Variants in SLC30A9 observed in about 807,000 individuals in gnomAD.
SLC30A9 encodes proton-coupled zinc antiporter SLC30A9, mitochondrial.
A neutral mutation model predicts 87.5 loss-of-function variants in SLC30A9; 58 were observed. The observed-to-expected ratio is 0.66, with a 90% CI of 0.54 to 0.82. The LOEUF (loss-of-function observed/expected upper bound fraction) is 0.82, where lower values mean the gene tolerates loss of function less well. SLC30A9 is among the 40% of genes least tolerant of loss of function. The probability of loss-of-function intolerance (pLI) is 0.00; values close to 1 mark genes in which losing one functional copy is unlikely to be tolerated. For missense variants in SLC30A9, 557 were observed against 679.1 expected (o/e 0.82, Z 2.00); for synonymous variants, 234 against 233.0 (o/e 1.00, Z -0.04).
intron 9 of SLC30A9, among the ~76,000 whole-genome samples, chr4:42,059,119 T>C (rs1717744279): frequency 6.6e-6 from 1 of 152,202 alleles, no homozygotes; most frequent in African/African-American, 2.4e-5. Flanking sequence ...AGAAAAAATG[T>C]GTCTATTAAA....
At chr4:42,026,863 G>C (rs576876666) in intron 6 of SLC30A9, among the ~76,000 whole-genome samples, 1 of 152,058 alleles carries the variant, frequency 6.6e-6, no homozygotes, top group African/African-American at 2.4e-5. Flanking sequence ...GAGCATAAAG[G>C]GTCCCTTGGC....
intron 6 of SLC30A9, among the ~76,000 whole-genome samples, chr4:42,027,365 G>A (rs1450656456): frequency 1.3e-5 from 2 of 152,142 alleles, no homozygotes; most frequent in Non-Finnish European, 2.9e-5. Context: ...CAGAGACTGC[G>A]TGTGGTGCTC....
chr4:42,066,359 T>C (rs1718075359), intron 12 of SLC30A9, among the ~76,000 whole-genome samples, 191 bp from the exon 13 acceptor site: 2 of 152,186 alleles, frequency 1.3e-5, no homozygotes, highest in Admixed American at 6.5e-5. Flanking sequence ...ATTTAATTAT[T>C]ATGGTTTAGA....
chr4:42,067,844 G>C (rs1267754498), intron 14 of SLC30A9, among the ~76,000 whole-genome samples: 5 of 152,162 alleles, frequency 3.3e-5, no homozygotes, highest in Non-Finnish European at 7.3e-5. Flanking sequence ...CCATGGGATG[G>C]CATCCTGGCC....
intron 1 of SLC30A9, among the ~76,000 whole-genome samples, chr4:41,997,220 G>A (rs1270319966): frequency 6.6e-6 from 1 of 151,724 alleles, no homozygotes; most frequent in South Asian, 2.1e-4. Flanking sequence ...ATCAGCAGTG[G>A]TCTTCTAGAC....
intron 10 of SLC30A9, 63 bp from the exon 11 acceptor site, chr4:42,062,923 C>G (rs1560556295): frequency 2.9e-6 from 4 of 1,393,116 alleles, no homozygotes; most frequent in Non-Finnish European, 4.0e-6. Context: ...ACCTATTAAG[C>G]ACATATATTT....
At chr4:42,080,601 A>T (rs527424935) in intron 17 of SLC30A9, among the ~76,000 whole-genome samples, 1 of 152,344 alleles carries the variant, frequency 6.6e-6, no homozygotes, top group East Asian at 1.9e-4. Flanking sequence ...TTTTGTCTCT[A>T]GCCCTTCTAG....
intron 15 of SLC30A9, among the ~76,000 whole-genome samples, chr4:42,073,797 G>C (rs1718411564): frequency 1.3e-5 from 2 of 152,130 alleles, no homozygotes; most frequent in South Asian, 4.1e-4. Flanking sequence ...TAGTCACCTG[G>C]TCTTGGAAAT....
chr4:42,075,558 A>T, intron 15 of SLC30A9, 99 bp from the exon 16 acceptor site: 1 of 1,062,812 alleles, frequency 9.4e-7, no homozygotes, highest in Non-Finnish European at 1.4e-6. Flanking sequence ...TCTCGTAACT[A>T]GTGGGGAAAA....
chr4:42,066,647 T>G (rs1230614339), intron 13 of SLC30A9, 26 bp downstream of exon 13: 2 of 1,482,144 alleles, frequency 1.3e-6, no homozygotes, highest in Non-Finnish European at 1.9e-6. Flanking sequence ...ACCAAGTGTT[T>G]GTTTCACCTC....
intron 1 of SLC30A9, among the ~76,000 whole-genome samples, chr4:41,993,352 T>G (rs1052377517): frequency 1.3e-5 from 2 of 152,306 alleles, no homozygotes; most frequent in East Asian, 3.9e-4. Flanking sequence ...AACCACGTTT[T>G]AAGTGCTCAG....
intron 6 of SLC30A9, chr4:42,029,376 G>T: frequency 1.7e-6 from 1 of 601,358 alleles, no homozygotes. Context: ...TGATCCAAGT[G>T]GTGCTGCTCA....
chr4:42,036,452 C>T (rs901637584), intron 7 of SLC30A9, among the ~76,000 whole-genome samples: 1 of 152,162 alleles, frequency 6.6e-6, no homozygotes, highest in Admixed American at 6.5e-5. Context: ...TTCAACCCCA[C>T]CACCCCACTG....
chr4:42,050,366 A>C (rs1481555569), intron 9 of SLC30A9, among the ~76,000 whole-genome samples: 1 of 152,156 alleles, frequency 6.6e-6, no homozygotes, highest in Non-Finnish European at 1.5e-5. Flanking sequence ...ATGCAGTGGG[A>C]GGAGAGGGGA....
intron 1 of SLC30A9, among the ~76,000 whole-genome samples, chr4:41,991,001 G>T (rs1465219705): frequency 1.8e-4 from 27 of 152,228 alleles, no homozygotes; most frequent in Admixed American, 1.8e-3. Context: ...CACCTCGCGG[G>T]CCGGATTGCA....
rs531987677 is a variant in SLC30A9, at chr4:42,060,621, A to T, written c.896+375A>T. Reference sequence around the variant, plus strand: ...ATTTTGATGATAACTTCTATTAGATACACACTTATTTTAATCCTCCTGTTG... The same window carrying T: ...ATTTTGATGATAACTTCTATTAGATTCACACTTATTTTAATCCTCCTGTTG... On this transcript the variant is annotated intron_variant, in intron 10 of 17. Transcript: ENST00000264451. Among the ~76,000 whole-genome samples, 5 of 152,316 alleles carry T rather than the reference A, an allele frequency of 3.3e-5. No homozygotes were observed. In the South Asian group the frequency reaches 1.0e-3, roughly 32 times the overall value.
At chr4:42,025,151 A>G (rs1716134230) in intron 6 of SLC30A9, among the ~76,000 whole-genome samples, 1 of 152,054 alleles carries the variant, frequency 6.6e-6, no homozygotes, top group Non-Finnish European at 1.5e-5. Flanking sequence ...ACTAACCTTC[A>G]CTCTACTGGA....
chr4:42,035,244 A>G (rs758703707), intron 6 of SLC30A9, 31 bp from the exon 7 acceptor site: 67 of 1,572,902 alleles, frequency 4.3e-5, no homozygotes, highest in South Asian at 2.9e-4. Flanking sequence ...AAGAATATCT[A>G]TGACCTAAAT....
chr4:42,052,501 CTT>C (rs1211891812), intron 9 of SLC30A9, among the ~76,000 whole-genome samples: 2 of 152,142 alleles, frequency 1.3e-5, no homozygotes, highest in Non-Finnish European at 2.9e-5. Context: ...ACATTATAAA[CTT>C]ATATAGAAAT....
Sources: allele counts gnomAD v4.1 joint callset (sites outside exome capture counted in the v4.1 genomes callset), GRCh38; gene constraint gnomAD v4.1.1; transcripts MANE v1.5; gene names NCBI Gene and HGNC (gene_info 2026-07-23, HGNC 2026-07-21).